The following ASXL1 variants were observed in gnomAD, a reference collection of about 807,000 sequenced individuals.
ASXL1 encodes polycomb group protein ASXL1.
ASXL1 carries 65 observed loss-of-function variants against 89.1 expected under a neutral mutation model. The observed-to-expected ratio is 0.73, with a 90% CI of 0.60 to 0.90. ASXL1 has a LOEUF of 0.90. Ranked by LOEUF, ASXL1 falls within the 40% of genes least tolerant of loss-of-function variation. ASXL1 has a pLI of 0.00. For missense variants in ASXL1, 1,786 were observed against 1,942.9 expected (o/e 0.92, Z 1.52); for synonymous variants, 739 against 746.9 (o/e 0.99, Z 0.17).
At chr20:32,380,715 T>C (rs1393980264) in intron 4 of ASXL1, among the ~76,000 whole-genome samples, 1 of 152,126 alleles carries the variant, frequency 6.6e-6, no homozygotes, top group Non-Finnish European at 1.5e-5. Flanking sequence ...CACTAGACTC[T>C]ATCCTGGGCG....
At chr20:32,408,374 A>C (rs890616018) in intron 4 of ASXL1, among the ~76,000 whole-genome samples, 1 of 152,158 alleles carries the variant, frequency 6.6e-6, no homozygotes, top group Non-Finnish European at 1.5e-5. Context: ...AAATCAGTTG[A>C]GTCCATACAT....
At position 32,431,416 on chromosome 20, in the gene ASXL1, A is replaced by T; in HGVS notation, c.814A>T (p.Thr272Ser). 1 of 1,614,138 alleles carries T rather than the reference A, an allele frequency of 6.2e-7. No individual in the cohort carries two copies. The highest frequency in any genetic ancestry group is 8.5e-7 in the Non-Finnish European group (1 of 1,180,024). Residue 272 changes from threonine to serine, a missense_variant, in exon 9 of 13, where the codon ACC (threonine) becomes TCC (serine). Physicochemically the swap from Thr to Ser is moderately conservative, Grantham distance 58. Transcript: ENST00000375687. Reference sequence around the variant, plus strand: ...CCTCCGTGCCCTGATCAACTCTCGGACCTTCCATGCCTTACCATCACACTT... The same window carrying T: ...CCTCCGTGCCCTGATCAACTCTCGGTCCTTCCATGCCTTACCATCACACTT... ...TNLRALINSR[T>S]FHALPSHFQQ...
intron 4 of ASXL1, among the ~76,000 whole-genome samples, chr20:32,398,811 G>A (rs954284554): frequency 7.9e-5 from 12 of 151,108 alleles, no homozygotes; most frequent in Admixed American, 3.3e-4. Flanking sequence ...GGGTTTCACC[G>A]TTTTAGCTGG....
chr20:32,370,869 G>C lies in ASXL1; in HGVS notation c.252+1746G>C, dbSNP rs984302734. On this transcript the variant is annotated intron_variant, in intron 4 of 12. Transcript: ENST00000375687. ...CACTGAGCCCAAAACCTAGCTTTGT[G>C]GTCGGCTGTGGTGGCTCATGCCTGT... is the stretch of plus-strand genomic sequence containing the variant. 4.0e-5 allele frequency among the ~76,000 whole-genome samples: 6 copies of C among 151,312 alleles called. No homozygotes were observed. In the East Asian group the frequency reaches 1.2e-3, roughly 29 times the overall value.
Position 32,395,746 on chromosome 20 carries a change from A to G in ASXL1, c.252+26623A>G, listed in dbSNP as rs1413933794. ...CATTTCACTAGTCTTTATCTTTCCC[A>G]TGTTAAATCTGTTACTCTTATCCAG... On this transcript the variant is annotated intron_variant, in intron 4 of 12. Transcript: ENST00000375687. Among the ~76,000 whole-genome samples, 6 of 152,122 alleles carry G rather than the reference A, an allele frequency of 3.9e-5. No homozygotes were observed. The East Asian group carries it at 9.6e-4, about 24-fold the overall frequency.
At chr20:32,418,276 G>C (rs924372552) in intron 4 of ASXL1, among the ~76,000 whole-genome samples, 7 of 152,132 alleles carry the variant, frequency 4.6e-5, no homozygotes, top group African/African-American at 1.7e-4. Flanking sequence ...AGAGGCTGAG[G>C]TGGGAAGATC....
intron 4 of ASXL1, among the ~76,000 whole-genome samples, chr20:32,370,207 C>T (rs565447937): frequency 3.3e-5 from 5 of 151,960 alleles, no homozygotes; most frequent in East Asian, 1.9e-4. Flanking sequence ...TAAATAGGGC[C>T]GAAATGAACA....
rs1482263219 is a variant in ASXL1, at chr20:32,358,490, G to A, written c.-286G>A. On this transcript the variant is annotated 5_prime_UTR_variant, in exon 1 of 13. Coordinates refer to ENST00000375687, the MANE Select transcript of ASXL1 (RefSeq NM_015338.6). Reference sequence around the variant, plus strand: ...GTGACCTCTGACCCCGTGGTTATGCGGAGCCGCCGCATTCCTTAGCGATCG... The same window carrying A: ...GTGACCTCTGACCCCGTGGTTATGCAGAGCCGCCGCATTCCTTAGCGATCG... 8.7e-6 allele frequency: 2 copies of A among 230,434 alleles called. No individual in the cohort carries two copies. Among genetic ancestry groups the A allele is most frequent in the Non-Finnish European group, 1.7e-5 (2 of 116,588 alleles). The allele number at this position is 230,434 out of a possible 1,614,324, so 14.3% of individuals were successfully genotyped here. A position where few individuals can be genotyped will look rare whatever the true frequency, so the allele number is the denominator to read the frequency against.
intron 4 of ASXL1, among the ~76,000 whole-genome samples, chr20:32,373,829 C>T (rs2048337554): frequency 6.6e-6 from 1 of 151,960 alleles, no homozygotes; most frequent in South Asian, 2.1e-4. Flanking sequence ...GATTGCACCA[C>T]TGCACTCTAG....
chr20:32,391,052 T>A (rs575265226), intron 4 of ASXL1, among the ~76,000 whole-genome samples: 3 of 151,918 alleles, frequency 2.0e-5, no homozygotes, highest in African/African-American at 7.3e-5. Context: ...CATGTTCAGC[T>A]AATTTTTTTT....
intron 4 of ASXL1, among the ~76,000 whole-genome samples, chr20:32,374,464 AT>A (rs1192166091): frequency 6.6e-6 from 1 of 151,568 alleles, no homozygotes. Context: ...ATTAAAAAAA[AT>A]TTTTTTTATA....
intron 4 of ASXL1, among the ~76,000 whole-genome samples, chr20:32,423,396 A>ATT (rs200922361): frequency 2.4e-3 from 188 of 78,278 alleles, no homozygotes; most frequent in South Asian, 0.021. Flanking sequence ...TGCCTAGCTA[A>ATT]TTTTTTGTGT....
chr20:32,422,558 CTG>C (rs1265725942), intron 4 of ASXL1, among the ~76,000 whole-genome samples: 1 of 142,324 alleles, frequency 7.0e-6, no homozygotes, highest in East Asian at 2.1e-4. Context: ...CTCATGGTAA[CTG>C]TGTGGTGAAG....
chr20:32,366,636 A>C (rs2122813818), intron 2 of ASXL1, 170 bp downstream of exon 2: 1 of 890,134 alleles, frequency 1.1e-6, no homozygotes, highest in Middle Eastern at 5.8e-4. Flanking sequence ...GGAGGGTGGC[A>C]GTGGGTGAAC....
chr20:32,368,523 A>G (rs1430044578), intron 3 of ASXL1, among the ~76,000 whole-genome samples: 1 of 152,232 alleles, frequency 6.6e-6, no homozygotes, highest in Non-Finnish European at 1.5e-5. Context: ...TGTACTTACT[A>G]GAAAATGTTT....
chr20:32,365,707 G>T (rs1194248403), intron 1 of ASXL1, among the ~76,000 whole-genome samples: 1 of 152,188 alleles, frequency 6.6e-6, no homozygotes, highest in East Asian at 1.9e-4. Flanking sequence ...TTGGTTATAG[G>T]TGATGCTAAC....
Position 32,434,806 on chromosome 20 carries a change from G to A in ASXL1, c.2094G>A (p.Pro698=), listed in dbSNP as rs762926090. The A allele has an allele frequency of 2.7e-5, 44 of 1,613,872 alleles. No individual in the cohort carries two copies. Among genetic ancestry groups the A allele is most frequent in the Admixed American group, 3.3e-5 (2 of 60,000 alleles). The change falls in exon 13 of 13, where the codon CCG becomes CCA. Residue 698 remains proline, a synonymous_variant. Coordinates refer to ENST00000375687, the MANE Select transcript of ASXL1 (RefSeq NM_015338.6). ...TSDLQRTQLL[P]PYPLNGEHTQ... ...ATCTACAGCGAACACAACTACTGCC[G>A]CCTTATCCTCTAAATGGGGAGCATA...
chr20:32,366,347 A>C (rs2122808804), intron 1 of ASXL1, 37 bp from the exon 2 acceptor site: 1 of 1,539,102 alleles, frequency 6.5e-7, no homozygotes, highest in East Asian at 2.2e-5. Flanking sequence ...ATAAATGGAA[A>C]TTGCACACTG....
rs1193563323 is a variant in ASXL1, at chr20:32,437,377, T to C, written c.*39T>C. 1 of 1,597,672 alleles carries C rather than the reference T, an allele frequency of 6.3e-7. No individual in the cohort carries two copies. The highest frequency in any genetic ancestry group is 1.1e-5 in the South Asian group (1 of 90,510). On this transcript the variant is annotated 3_prime_UTR_variant, in exon 13 of 13. Transcript: ENST00000375687. ...TGGGAAACATTGTATATTTAGTGTG[T>C]GTATTTTGATAATGATTGATCTTAA...
Sources: allele counts gnomAD v4.1 joint callset (sites outside exome capture counted in the v4.1 genomes callset), GRCh38; gene constraint gnomAD v4.1.1; transcripts MANE v1.5; gene names NCBI Gene and HGNC (gene_info 2026-07-23, HGNC 2026-07-21).